The following SLC4A10 variants were observed in gnomAD, a reference collection of about 807,000 sequenced individuals.
SLC4A10 encodes the protein solute carrier family 4 member 10.
In SLC4A10, 42 loss-of-function variants were observed where a neutral mutation model predicts 137.7. The ratio of observed to expected loss-of-function variants is 0.30; its 90% CI spans 0.24 to 0.39. The LOEUF (loss-of-function observed/expected upper bound fraction) is 0.39, where lower values mean the gene tolerates loss of function less well. Ranked by LOEUF, SLC4A10 falls within the 10% of genes least tolerant of loss-of-function variation. The pLI, the probability that SLC4A10 is intolerant of heterozygous loss-of-function variation, is 1.00. For synonymous variants in SLC4A10, 474 were observed against 464.1 expected, an observed-to-expected ratio of 1.02 and a Z score of -0.27; for missense variants, 925 against 1,355.0, an observed-to-expected ratio of 0.68 and a Z score of 4.98.
chr2:161,943,218 T>C (rs1250817794), intron 16 of SLC4A10, among the ~76,000 whole-genome samples: 1 of 152,098 alleles, frequency 6.6e-6, no homozygotes, highest in Non-Finnish European at 1.5e-5. Flanking sequence ...CTGCCTTCTG[T>C]GTAAAGAACT....
At chr2:161,663,582 A>G (rs1289060223) in intron 1 of SLC4A10, among the ~76,000 whole-genome samples, 1 of 152,166 alleles carries the variant, frequency 6.6e-6, no homozygotes, top group Non-Finnish European at 1.5e-5. Context: ...TGAAAGAAAG[A>G]AGATTTAAAG....
intron 6 of SLC4A10, among the ~76,000 whole-genome samples, chr2:161,865,799 C>T (rs537914263): frequency 1.5e-4 from 22 of 151,722 alleles, no homozygotes; most frequent in Non-Finnish European, 2.2e-4. Context: ...AATTAATAGC[C>T]GTAAATGTAA....
intron 1 of SLC4A10, among the ~76,000 whole-genome samples, chr2:161,656,404 T>C (rs1306930026): frequency 6.6e-6 from 1 of 152,206 alleles, no homozygotes; most frequent in Non-Finnish European, 1.5e-5. Context: ...TTGTTCACTG[T>C]ATATAAAAAT....
At position 161,830,473 on chromosome 2, in the gene SLC4A10, GT is replaced by G. The variant is rs576737925; in HGVS notation, c.278-9304del. On this transcript the variant is annotated intron_variant, in intron 3 of 26. Coordinates refer to ENST00000446997, the MANE Select transcript of SLC4A10 (RefSeq NM_001178015.2). ...TAGCTGCTCTTAAGGTAGTTGTGAG[GT>G]TTTTTTTTTTTCCTGTTATTGTAAT... Among the ~76,000 whole-genome samples, 713 of 143,726 alleles carry G rather than the reference GT, an allele frequency of 5.0e-3. 6 individuals are homozygous for G. Among genetic ancestry groups the G allele is most frequent in the South Asian group, 0.021 (95 of 4,602 alleles). The allele number at this position is 143,726 out of a possible 152,430, so 94.3% of individuals were successfully genotyped here. A position where few individuals can be genotyped will look rare whatever the true frequency, so the allele number is the denominator to read the frequency against.
chr2:161,820,553 C>A (rs1475707738), intron 3 of SLC4A10, among the ~76,000 whole-genome samples: 1 of 152,080 alleles, frequency 6.6e-6, no homozygotes, highest in Non-Finnish European at 1.5e-5. Context: ...TAAATGAAAT[C>A]ATATAAGAGG....
At chr2:161,724,127 T>A (rs1447248151) in intron 1 of SLC4A10, among the ~76,000 whole-genome samples, 2 of 152,208 alleles carry the variant, frequency 1.3e-5, no homozygotes, top group African/African-American at 4.8e-5. Context: ...CCCGTTCTTT[T>A]CTTTCTCTTC....
intron 1 of SLC4A10, among the ~76,000 whole-genome samples, chr2:161,660,649 T>C (rs1574176332): frequency 2.8e-5 from 4 of 141,740 alleles, no homozygotes; most frequent in Non-Finnish European, 1.5e-5. Context: ...TCCTTCTTTC[T>C]TTCTTTCTTT....
chr2:161,915,493 C>T (rs1313783704), intron 15 of SLC4A10, among the ~76,000 whole-genome samples: 2 of 152,200 alleles, frequency 1.3e-5, no homozygotes, highest in Admixed American at 1.3e-4. Context: ...ATTGCTCTCA[C>T]TGATGGTGAG....
intron 1 of SLC4A10, among the ~76,000 whole-genome samples, chr2:161,765,797 C>A (rs2050743699): frequency 6.6e-6 from 1 of 151,958 alleles, no homozygotes; most frequent in Non-Finnish European, 1.5e-5. Flanking sequence ...TAACTCAGTA[C>A]AAAATGAAAT....
Position 161,964,147 on chromosome 2 carries a change from A to C in SLC4A10, c.2875A>C (p.Ile959Leu), listed in dbSNP as rs1453021414. The change falls in exon 22 of 27, where the codon ATA becomes CTA. Residue 959 changes from isoleucine (I) to leucine (L), a missense_variant. Around this residue, in one of 11 missense-constraint regions of SLC4A10, gnomAD observed 115 missense variants for 237.5 expected, o/e 0.48. Transcript: ENST00000446997. The stretch of plus-strand genomic sequence containing the variant: ...TTTAATCTTTTAGTTCTTTGATAGG[A>C]TAAAGCTCTTCTGGATGCCGGCAAA... ...SLKGIQFFDR[I>L]KLFWMPAKHQ... 6.2e-7 allele frequency: 1 copy of C among 1,608,694 alleles called. No individual in the cohort carries two copies. The highest frequency in any genetic ancestry group is 1.7e-5 in the Admixed American group (1 of 59,264).
At chr2:161,978,185 G>A (rs796070070) in intron 26 of SLC4A10, among the ~76,000 whole-genome samples, 4 of 152,050 alleles carry the variant, frequency 2.6e-5, no homozygotes, top group African/African-American at 9.6e-5. Flanking sequence ...AGGAGTTCGA[G>A]ACAAGCTTCG....
intron 1 of SLC4A10, among the ~76,000 whole-genome samples, chr2:161,673,328 G>C (rs1442519021): frequency 6.6e-6 from 1 of 152,152 alleles, no homozygotes; most frequent in Non-Finnish European, 1.5e-5. Flanking sequence ...AGTTTCATCA[G>C]GTCAGGGTGT....
At chr2:161,946,104 T>C (rs1273439848) in intron 16 of SLC4A10, among the ~76,000 whole-genome samples, 1 of 151,956 alleles carries the variant, frequency 6.6e-6, no homozygotes, top group Non-Finnish European at 1.5e-5. Flanking sequence ...AGAAGGAAAA[T>C]TAAAACTTTA....
At chr2:161,890,507 C>A (rs565609270) in intron 10 of SLC4A10, among the ~76,000 whole-genome samples, 1 of 152,272 alleles carries the variant, frequency 6.6e-6, no homozygotes, top group East Asian at 1.9e-4. Flanking sequence ...AGATAGTCAG[C>A]TCTTCTTGTT....
At position 161,983,698 on chromosome 2, in the gene SLC4A10, T is replaced by C. The variant is rs1376275526; in HGVS notation, c.*546T>C. The stretch of plus-strand genomic sequence containing the variant: ...AAAAGACCCAAATCAAAAAGTTAGT[T>C]TGAAAGCATTTTTTAATAATTGTAT... On this transcript the variant is annotated 3_prime_UTR_variant, in exon 27 of 27. Coordinates refer to ENST00000446997, the MANE Select transcript of SLC4A10 (RefSeq NM_001178015.2). 1 of 152,786 alleles carries C rather than the reference T, an allele frequency of 6.5e-6. No homozygotes were observed. Among genetic ancestry groups the C allele is most frequent in the African/African-American group, 2.4e-5 (1 of 41,478 alleles). 9.5% of individuals were successfully genotyped at this position (152,786 alleles called of 1,614,324 possible).
intron 1 of SLC4A10, among the ~76,000 whole-genome samples, chr2:161,732,386 T>A (rs2046910227): frequency 6.6e-6 from 1 of 152,186 alleles, no homozygotes; most frequent in South Asian, 2.1e-4. Flanking sequence ...GTCCAAGGAT[T>A]TTTGGAGTTG....
chr2:161,965,737 C>T (rs1697464845), intron 23 of SLC4A10, among the ~76,000 whole-genome samples: 1 of 152,096 alleles, frequency 6.6e-6, no homozygotes, highest in Admixed American at 6.5e-5. Flanking sequence ...TTTTTACAGG[C>T]TACTTATTTA....
At chr2:161,640,619 TC>T (rs1558923417) in intron 1 of SLC4A10, among the ~76,000 whole-genome samples, 11 of 140,558 alleles carry the variant, frequency 7.8e-5, no homozygotes, top group African/African-American at 3.0e-4. Flanking sequence ...CTTCCTTCCT[TC>T]CTTCCTTCCT....
At chr2:161,750,209 G>A (rs933743039) in intron 1 of SLC4A10, among the ~76,000 whole-genome samples, 1 of 151,230 alleles carries the variant, frequency 6.6e-6, no homozygotes, top group Admixed American at 6.6e-5. Context: ...CTTTTAGTTC[G>A]ATTATTTTTT....
Sources: gnomAD v4.1 joint callset for allele counts (sites outside exome capture counted in the v4.1 genomes callset) on GRCh38, gnomAD v4.1.1 for gene constraint, gnomAD v4.1.1 regional missense constraint, MANE v1.5 for transcripts, NCBI Gene and HGNC (gene_info 2026-07-23, HGNC 2026-07-21) for gene names.